Variants in KRT16 observed in about 807,000 individuals in gnomAD.
KRT16 encodes keratin, type I cytoskeletal 16.
A neutral mutation model predicts 44.8 loss-of-function variants in KRT16; 42 were observed. That is an observed-to-expected ratio of 0.94 (90% CI 0.73 to 1.21). The LOEUF (loss-of-function observed/expected upper bound fraction) is 1.21, where lower values mean the gene tolerates loss of function less well. Among genes scored for constraint, KRT16 ranks in the 50% most tolerant of loss-of-function variants. KRT16 has a pLI of 0.00. For synonymous variants in KRT16, 226 were observed against 260.4 expected, an observed-to-expected ratio of 0.87 and a Z score of 1.27; for missense variants, 561 against 626.9, an observed-to-expected ratio of 0.89 and a Z score of 1.12.
intron 4 of KRT16, 28 bp from the exon 5 acceptor site, chr17:41,611,007 G>C (rs567199240): frequency 6.2e-7 from 1 of 1,614,038 alleles, no homozygotes; most frequent in East Asian, 2.2e-5. Flanking sequence ...AGTGAAAGGT[G>C]AGGCTCTCCC....
Position 41,610,892 on chromosome 17 carries a change from G to A in KRT16, c.1021C>T (p.Gln341Ter), listed in dbSNP as rs755302919. ...SEVTELRRVL[Q>*]GLEIELQSQL... is the part of the protein sequence containing the mutation. ...GACTGCAGCTCAATCTCCAGGCCCT[G>A]GAGCACCCTCCGGAGCTCCGTCACC... Residue 341 changes from glutamine (Q) to a stop codon, truncating the protein, a stop_gained, in exon 5 of 8, where the codon CAG becomes TAG. Transcript: ENST00000301653. LOFTEE classifies it high-confidence loss of function. 9.3e-6 allele frequency: 15 copies of A among 1,614,012 alleles called. No individual in the cohort carries two copies. Among genetic ancestry groups the A allele is most frequent in the Non-Finnish European group, 1.3e-5 (15 of 1,180,040 alleles).
In KRT16 at chr17:41,610,766, G is replaced by C. The variant is rs1908162628; in HGVS notation, c.1059+88C>G. 3 of 1,598,192 alleles carry C rather than the reference G, an allele frequency of 1.9e-6. No individual in the cohort carries two copies. In the Admixed American group the frequency reaches 5.0e-5, roughly 27 times the overall value. On this transcript the variant is annotated intron_variant, in intron 5 of 7. Transcript: ENST00000301653. ...GTCCCCTGGTCCCATCCTGAGAAAAGAAAGGTGGAACTAGACTGTGGCTTT... is the reference window on the plus strand; with the variant it reads ...GTCCCCTGGTCCCATCCTGAGAAAACAAAGGTGGAACTAGACTGTGGCTTT...
Position 41,611,691 on chromosome 17 carries a change from G to A in KRT16, c.562C>T (p.Pro188Ser), listed in dbSNP as rs1396907644. Residue 188 changes from proline to serine, a missense_variant, in exon 2 of 8, where the codon CCC (proline) becomes TCC (serine). By Grantham distance (74) the Pro-to-Ser change is moderately conservative. Coordinates refer to ENST00000301653, the MANE Select transcript of KRT16 (RefSeq NM_005557.4). ...CTGGCATTGTCAATCTGCAAAATGG[G>A]CTGCGCATTCTCAATGGTGGCCGCA... ...IIAATIENAQPILQIDNARLA... is the reference protein window; with the variant it reads ...IIAATIENAQSILQIDNARLA... 3.7e-6 allele frequency: 6 copies of A among 1,611,344 alleles called. No homozygotes were observed. Among genetic ancestry groups the A allele is most frequent in the Non-Finnish European group, 5.1e-6 (6 of 1,179,614 alleles).
Position 41,609,836 on chromosome 17 carries a change from A to G in KRT16, c.*99T>C. On this transcript the variant is annotated 3_prime_UTR_variant, in exon 8 of 8. Coordinates refer to ENST00000301653, the MANE Select transcript of KRT16 (RefSeq NM_005557.4). Reference sequence around the variant, plus strand: ...CACCACCAGCAGAGGAGCAGGGGAGATAGCTGGGAACTGCGCCAGGAGAGC... The same window carrying G: ...CACCACCAGCAGAGGAGCAGGGGAGGTAGCTGGGAACTGCGCCAGGAGAGC... The G allele has an allele frequency of 1.1e-6, 1 of 934,988 alleles. No homozygotes were observed. Among genetic ancestry groups the G allele is most frequent in the Admixed American group, 1.9e-5 (1 of 51,652 alleles). The allele number at this position is 934,988 out of a possible 1,614,324, so 57.9% of individuals were successfully genotyped here.
In KRT16 at chr17:41,612,603, C is replaced by A. The variant is rs1908247793; in HGVS notation, c.86G>T (p.Ser29Ile). The A allele has an allele frequency of 1.3e-6, 2 of 1,596,338 alleles. No homozygotes were observed. The highest frequency in any genetic ancestry group is 1.7e-6 in the Non-Finnish European group (2 of 1,172,236). Residue 29 changes from serine to isoleucine, a missense_variant, in exon 1 of 8, where the codon AGC becomes ATC. Transcript: ENST00000301653. The part of the protein sequence containing the change: ...GIGGGIGGGS[S>I]RISSVLAGGS... ...TCCGGCCAGGACGGAGGAGATGCGG[C>A]TGGAGCCGCCCCCGATGCCGCCTCC...
At chr17:41,611,533 C>T in intron 2 of KRT16, 32 bp from the exon 3 acceptor site, 2 of 1,605,722 alleles carry the variant, frequency 1.2e-6, no homozygotes, top group Non-Finnish European at 1.7e-6. Flanking sequence ...CCTCAGGCTG[C>T]AGCCCTGAGG....
In KRT16 at chr17:41,610,840, TG is replaced by T; in HGVS notation, c.1059+13del. ...GGTGACTTGGGGGCTGCTGCTGTGCTGGGTCCTTCATACCATGCTGAGCTGG... is the reference window on the plus strand; with the variant it reads ...GGTGACTTGGGGGCTGCTGCTGTGCTGGTCCTTCATACCATGCTGAGCTGG... On this transcript the variant is annotated intron_variant, in intron 5 of 7. Transcript: ENST00000301653. 1 of 1,613,610 alleles carries T rather than the reference TG, an allele frequency of 6.2e-7. No individual in the cohort carries two copies. Among genetic ancestry groups the T allele is most frequent in the Non-Finnish European group, 8.5e-7 (1 of 1,180,024 alleles).
chr17:41,612,390 G>C lies in KRT16; in HGVS notation c.299C>G (p.Ala100Gly), dbSNP rs140537366. 2.3e-4 allele frequency: 371 copies of C among 1,613,784 alleles called. No homozygotes were observed. Among genetic ancestry groups the C allele is most frequent in the Non-Finnish European group, 2.9e-4 (348 of 1,180,018 alleles). The change falls in exon 1 of 8, where the codon GCT becomes GGT. Residue 100 changes from alanine (A) to glycine (G), a missense_variant. By Grantham distance (60) the Ala-to-Gly change is moderately conservative. Transcript: ENST00000301653. The stretch of plus-strand genomic sequence containing the variant: ...ACCAGCAAAACCACCACCAAAGCCA[G>C]CACCCAAGCCACCACCGAAGCCAGC... Reference protein sequence around the residue: ...LGAGFGGGLGAGFGGGFAGGD... With the variant: ...LGAGFGGGLGGGFGGGFAGGD...
In KRT16 at chr17:41,611,454, T is replaced by C. The variant is rs1322681638; in HGVS notation, c.662A>G (p.Asn221Ser). ...ALRQTVEADV[N>S]GLRRVLDELT... ...CTCATCCAACACCCGGCGCAGGCCA[T>C]TGACGTCGGCCTCCACAGTCTGCCG... The change falls in exon 3 of 8, where the codon AAT (asparagine) becomes AGT (serine). Residue 221 changes from asparagine to serine, a missense_variant. Transcript: ENST00000301653. 7.4e-6 allele frequency: 12 copies of C among 1,614,016 alleles called. No individual in the cohort carries two copies. Among genetic ancestry groups the C allele is most frequent in the South Asian group, 1.1e-5 (1 of 91,088 alleles).
At position 41,612,213 on chromosome 17, in the gene KRT16, C is replaced by A. The variant is rs760102801; in HGVS notation, c.476G>T (p.Ser159Ile). ...IRDWYQRQRP[S>I]EIKDYSPYFK... ...GTAGGGACTGTAGTCTTTGATCTCACTGGGCCGCTGCCTCTGGTACCAGTC... is the reference window on the plus strand; with the variant it reads ...GTAGGGACTGTAGTCTTTGATCTCAATGGGCCGCTGCCTCTGGTACCAGTC... Residue 159 changes from serine (S) to isoleucine (I), a missense_variant, in exon 1 of 8, where the codon AGT becomes ATT. Transcript: ENST00000301653. The A allele has an allele frequency of 1.1e-5, 18 of 1,612,922 alleles. 1 individual carries two copies. In the East Asian group the frequency reaches 3.3e-4, roughly 30 times the overall value.
In KRT16 at chr17:41,611,031, G is replaced by C. The variant is rs200723903; in HGVS notation, c.933+38C>G. The stretch of plus-strand genomic sequence containing the variant: ...TGAGGCTCTCCCAAAGCCCCCAGCT[G>C]GGAAGTGCTGCAGGCTCACTGCGGG... On this transcript the variant is annotated intron_variant, in intron 4 of 7. Transcript: ENST00000301653. The C allele has an allele frequency of 9.9e-6, 16 of 1,614,016 alleles. No individual in the cohort carries two copies. The African/African-American group carries it at 1.9e-4, about 19-fold the overall frequency.
At chr17:41,611,009 G>A in intron 4 of KRT16, 30 bp from the exon 5 acceptor site, 1 of 1,614,030 alleles carries the variant, frequency 6.2e-7, no homozygotes, top group South Asian at 1.1e-5. Flanking sequence ...TGAAAGGTGA[G>A]GCTCTCCCAA....
At position 41,612,397 on chromosome 17, in the gene KRT16, A is replaced by C. The variant is rs749801602; in HGVS notation, c.292T>G (p.Leu98Val). 5.0e-6 allele frequency: 8 copies of C among 1,614,040 alleles called. No individual in the cohort carries two copies. Among genetic ancestry groups the C allele is most frequent in the Non-Finnish European group, 5.9e-6 (7 of 1,179,992 alleles). ...AAACCACCACCAAAGCCAGCACCCA[A>C]GCCACCACCGAAGCCAGCACCAAGG... ...GGLGAGFGGG[L>V]GAGFGGGFAG... Residue 98 changes from leucine (L) to valine (V), a missense_variant, in exon 1 of 8, where the codon TTG (leucine) becomes GTG (valine). Coordinates refer to ENST00000301653, the MANE Select transcript of KRT16 (RefSeq NM_005557.4).
chr17:41,609,978 T>C lies in KRT16; in HGVS notation c.1379A>G (p.Lys460Arg). The change falls in exon 8 of 8, where the codon AAG (lysine) becomes AGG (arginine). Residue 460 changes from lysine to arginine, a missense_variant. Physicochemically the swap from Lys to Arg is conservative, Grantham distance 26 (BLOSUM62 2). Coordinates refer to ENST00000301653, the MANE Select transcript of KRT16 (RefSeq NM_005557.4). Reference sequence around the variant, plus strand: ...GCTGAAGCTGGATGAGCTCTGCTCCTTGAGGATGGGCCGGGTCTGACGGCT... The same window carrying C: ...GCTGAAGCTGGATGAGCTCTGCTCCCTGAGGATGGGCCGGGTCTGACGGCT... Reference protein sequence around the residue: ...SSSRQTRPILKEQSSSSFSQG... With the variant: ...SSSRQTRPILREQSSSSFSQG... 2 of 1,611,864 alleles carry C rather than the reference T, an allele frequency of 1.2e-6. No homozygotes were observed. The highest frequency in any genetic ancestry group is 3.3e-5 in the Admixed American group (2 of 59,990).
chr17:41,611,122 C>A lies in KRT16; in HGVS notation c.880G>T (p.Glu294Ter), dbSNP rs762278898. The A allele has an allele frequency of 1.2e-6, 2 of 1,614,032 alleles. No individual in the cohort carries two copies. The highest frequency in any genetic ancestry group is 1.7e-5 in the Admixed American group (1 of 60,030). Residue 294 changes from glutamate (E) to a stop codon, truncating the protein, a stop_gained, in exon 4 of 8, where the codon GAG becomes TAG. Coordinates refer to ENST00000301653, the MANE Select transcript of KRT16 (RefSeq NM_005557.4). LOFTEE classifies it high-confidence loss of function. ...CTGCGGTTTTTCTCTGCCATCTGCT[C>A]GTACTGGTCACGCATCTCATTCAGG... ...RILNEMRDQY[E>*]QMAEKNRRDA... is the part of the protein sequence containing the mutation.
rs754023343 is a variant in KRT16, at chr17:41,612,591, G to C, written c.98C>G (p.Ser33Cys). 1.8e-5 allele frequency: 29 copies of C among 1,596,936 alleles called. No homozygotes were observed. The highest frequency in any genetic ancestry group is 2.3e-5 in the Non-Finnish European group (27 of 1,172,404). Residue 33 changes from serine to cysteine, a missense_variant, in exon 1 of 8, where the codon TCC becomes TGC. Physicochemically the swap from Ser to Cys is moderately radical, Grantham distance 112 (BLOSUM62 -1). Transcript: ENST00000301653. ...ACGGCAGGACCCTCCGGCCAGGACG[G>C]AGGAGATGCGGCTGGAGCCGCCCCC... The part of the protein sequence containing the change: ...GIGGGSSRIS[S>C]VLAGGSCRAP...
chr17:41,610,153 G>A, intron 7 of KRT16, 37 bp downstream of exon 7: 1 of 1,612,168 alleles, frequency 6.2e-7, no homozygotes. Context: ...GAAACAGGCA[G>A]AGGGGCTGCA....
chr17:41,611,273 C>T, intron 3 of KRT16, 43 bp from the exon 4 acceptor site: 1 of 1,613,968 alleles, frequency 6.2e-7, no homozygotes, highest in Non-Finnish European at 8.5e-7. Context: ...GCAGACTTCT[C>T]TCCTGGCCCT....
intron 5 of KRT16, 125 bp downstream of exon 5, chr17:41,610,729 A>G (rs911510108): frequency 1.3e-6 from 2 of 1,518,986 alleles, no homozygotes; most frequent in African/African-American, 2.7e-5. Context: ...TATCTATATA[A>G]CGGTCCCATG....
Sources: allele counts gnomAD v4.1 joint callset, GRCh38; gene constraint gnomAD v4.1.1; transcripts MANE v1.5; gene names NCBI Gene and HGNC (gene_info 2026-07-23, HGNC 2026-07-21).